ANKRD17: variants seen among roughly 807,000 people sequenced by gnomAD.
ANKRD17 encodes the protein ankyrin repeat domain 17, also known as ankyrin repeat domain-containing protein 17.
ANKRD17 carries 19 observed loss-of-function variants against 229.7 expected under a neutral mutation model. The observed-to-expected ratio is 0.08, with a 90% CI of 0.06 to 0.12. ANKRD17 has a LOEUF of 0.12. ANKRD17 is among the 10% of genes least tolerant of loss of function. ANKRD17 has a pLI of 1.00. For missense variants in ANKRD17, 2,176 were observed against 3,176.8 expected, an observed-to-expected ratio of 0.68 and a Z score of 7.57; for synonymous variants, 1,112 against 1,146.1, an observed-to-expected ratio of 0.97 and a Z score of 0.60.
intron 24 of ANKRD17, among the ~76,000 whole-genome samples, chr4:73,108,529 G>A (rs1229274013): frequency 1.3e-5 from 2 of 152,074 alleles, no homozygotes; most frequent in Non-Finnish European, 2.9e-5. Context: ...CAGACAGGTA[G>A]GAGGAAAAAA....
At position 73,099,003 on chromosome 4, in the gene ANKRD17, C is replaced by G; in HGVS notation, c.4574-483G>C. 3 of 980,312 alleles carry G rather than the reference C, an allele frequency of 3.1e-6. No individual in the cohort carries two copies. In the South Asian group the frequency reaches 3.9e-5, roughly 13 times the overall value. The allele number at this position is 980,312 out of a possible 1,614,324, so 60.7% of individuals were successfully genotyped here. On this transcript the variant is annotated intron_variant, in intron 25 of 33. Transcript: ENST00000358602. The stretch of plus-strand genomic sequence containing the variant: ...ACACCTAAGAGACCTTGGGGCCAAC[C>G]AAAGGGAAGCAAAAACAAGGGAGCT...
intron 29 of ANKRD17, among the ~76,000 whole-genome samples, chr4:73,089,682 T>A (rs1188640913): frequency 6.6e-6 from 1 of 152,202 alleles, no homozygotes; most frequent in Non-Finnish European, 1.5e-5. Flanking sequence ...AATTCTTCTA[T>A]AAATCTAAAA....
In ANKRD17 at chr4:73,149,382, G is replaced by A. The variant is rs544776664; in HGVS notation, c.1330-332C>T. Among the ~76,000 whole-genome samples the A allele has an allele frequency of 5.5e-4, 83 of 152,234 alleles. 1 individual carries two copies. In the South Asian group the frequency reaches 0.016, roughly 29 times the overall value. ...AACACTATATGGTACAAACTTAAAT[G>A]TTAAAAGGATAAAGTTTAGAGAGGA... On this transcript the variant is annotated intron_variant, in intron 7 of 33. Transcript: ENST00000358602.
intron 9 of ANKRD17, 32 bp from the exon 10 acceptor site, chr4:73,146,905 A>G (rs370627994): frequency 9.1e-6 from 14 of 1,545,518 alleles, no homozygotes; most frequent in Non-Finnish European, 1.2e-5. Flanking sequence ...ACATAGACTT[A>G]ATAAAGGAGC....
chr4:73,167,597 T>C (rs1733404148), intron 2 of ANKRD17, among the ~76,000 whole-genome samples: 2 of 152,190 alleles, frequency 1.3e-5, no homozygotes, highest in Admixed American at 6.5e-5. Flanking sequence ...AGGAGAAACA[T>C]TCCCTGCTCC....
chr4:73,120,066 T>C, intron 21 of ANKRD17, 96 bp downstream of exon 21: 1 of 1,328,766 alleles, frequency 7.5e-7, no homozygotes, highest in Non-Finnish European at 1.1e-6. Flanking sequence ...GAAGAAATAA[T>C]CACATTTGAT....
At chr4:73,179,073 G>T (rs1451200915) in intron 1 of ANKRD17, among the ~76,000 whole-genome samples, 5 of 151,952 alleles carry the variant, frequency 3.3e-5, no homozygotes, top group Non-Finnish European at 5.9e-5. Flanking sequence ...CATAACCTCA[G>T]AAACGATACT....
chr4:73,162,375 G>A (rs1461713355), intron 2 of ANKRD17, among the ~76,000 whole-genome samples: 8 of 152,044 alleles, frequency 5.3e-5, no homozygotes, highest in Non-Finnish European at 8.8e-5. Flanking sequence ...AAACTTTCTT[G>A]TAGAGGTAGA....
At chr4:73,167,049 C>A (rs1347344537) in intron 2 of ANKRD17, among the ~76,000 whole-genome samples, 2 of 151,982 alleles carry the variant, frequency 1.3e-5, no homozygotes, top group East Asian at 3.9e-4. Context: ...TTTACAGATA[C>A]ATACTAAAAT....
chr4:73,076,923 T>G lies in ANKRD17; in HGVS notation c.7752+17A>C, dbSNP rs751899377. 5 of 1,600,268 alleles carry G rather than the reference T, an allele frequency of 3.1e-6. No homozygotes were observed. The highest frequency in any genetic ancestry group is 4.3e-6 in the Non-Finnish European group (5 of 1,174,560). On this transcript the variant is annotated intron_variant, in intron 33 of 33. Transcript: ENST00000358602. ...AAACACAAAACAACTGTTTATTCAC[T>G]GAATGATCAGCCTCACCGTTTGAGG...
chr4:73,100,041 G>A (rs1329409327), intron 25 of ANKRD17, among the ~76,000 whole-genome samples: 1 of 152,084 alleles, frequency 6.6e-6, no homozygotes, highest in African/African-American at 2.4e-5. Context: ...CAACCCTCCT[G>A]CTCCTCCCTG....
chr4:73,133,723 A>G (rs542375214), intron 16 of ANKRD17, among the ~76,000 whole-genome samples: 2 of 151,978 alleles, frequency 1.3e-5, no homozygotes, highest in South Asian at 4.2e-4. Context: ...AAGGCTATGT[A>G]GATGGTAGTT....
chr4:73,223,396 C>T (rs983475329), intron 1 of ANKRD17, among the ~76,000 whole-genome samples: 3 of 152,144 alleles, frequency 2.0e-5, no homozygotes, highest in African/African-American at 2.4e-5. Context: ...AAGTGGGTTA[C>T]GCAGCAATTT....
chr4:73,155,211 C>T (rs1219664725), intron 5 of ANKRD17, among the ~76,000 whole-genome samples: 2 of 151,996 alleles, frequency 1.3e-5, no homozygotes, highest in Non-Finnish European at 2.9e-5. Flanking sequence ...AATGTTTTCA[C>T]AATATTTTTT....
chr4:73,089,615 C>T (rs551137192), intron 29 of ANKRD17, among the ~76,000 whole-genome samples: 42 of 152,034 alleles, frequency 2.8e-4, no homozygotes, highest in East Asian at 1.4e-3. Flanking sequence ...TTTTTAGTTT[C>T]GAAATGTATC....
intron 22 of ANKRD17, 56 bp from the exon 23 acceptor site, chr4:73,115,972 C>G (rs190588848): frequency 7.1e-5 from 102 of 1,434,968 alleles, no homozygotes; most frequent in Non-Finnish European, 9.3e-5. Flanking sequence ...TTCAGTAAAT[C>G]TATGCCTGAA....
intron 24 of ANKRD17, among the ~76,000 whole-genome samples, chr4:73,108,489 G>GAGGA (rs1179113089): frequency 6.6e-6 from 1 of 152,136 alleles, no homozygotes; most frequent in African/African-American, 2.4e-5. Flanking sequence ...GGGAGAAGAG[G>GAGGA]AGGAACCAGC....
In ANKRD17 at chr4:73,090,929, T is replaced by C. The variant is rs1396980074; in HGVS notation, c.6699A>G (p.Ser2233=). The C allele has an allele frequency of 1.3e-5, 21 of 1,614,242 alleles. No individual in the cohort carries two copies. The highest frequency in any genetic ancestry group is 2.2e-5 in the South Asian group (2 of 91,086). The part of the protein sequence containing the change: ...TLSTQSACQN[S]VHPANKPIAP... ...CAATAGGCTTATTTGCTGGATGTAC[T>C]GAATTCTGACAAGCACTTTGTGTAC... Residue 2233 remains serine (S), a synonymous_variant, in exon 29 of 34, where the codon TCA becomes TCG. Transcript: ENST00000358602.
intron 29 of ANKRD17, among the ~76,000 whole-genome samples, chr4:73,090,098 A>G (rs554077608): frequency 3.9e-4 from 59 of 152,096 alleles, no homozygotes; most frequent in Non-Finnish European, 7.9e-4. Flanking sequence ...TTAAAACATG[A>G]AAGACTTCTG....
Sources: gnomAD v4.1 joint callset for allele counts (sites outside exome capture counted in the v4.1 genomes callset) on GRCh38, gnomAD v4.1.1 for gene constraint, MANE v1.5 for transcripts, NCBI Gene and HGNC (gene_info 2026-07-23, HGNC 2026-07-21) for gene names.